SEMA5A: variants seen among roughly 807,000 people sequenced by gnomAD.
SEMA5A encodes the protein semaphorin 5A.
A neutral mutation model predicts 135.5 loss-of-function variants in SEMA5A; 55 were observed. That is an observed-to-expected ratio of 0.41 (90% CI 0.33 to 0.51). The LOEUF is 0.51. Ranked by LOEUF, SEMA5A falls within the 20% of genes least tolerant of loss-of-function variation. SEMA5A has a pLI of 0.37. For synonymous variants in SEMA5A, 580 were observed against 546.5 expected (o/e 1.06, Z -0.85); for missense variants, 1,290 against 1,419.9 (o/e 0.91, Z 1.47).
chr5:9,267,314 G>A (rs1318285449), intron 5 of SEMA5A, among the ~76,000 whole-genome samples: 7 of 152,154 alleles, frequency 4.6e-5, no homozygotes, highest in African/African-American at 1.4e-4. Context: ...TCTATATCGC[G>A]CTATCAAGCT....
intron 2 of SEMA5A, among the ~76,000 whole-genome samples, chr5:9,381,981 T>TGTGTGC (rs1411451751): frequency 1.2e-3 from 115 of 99,942 alleles, no homozygotes; most frequent in East Asian, 1.6e-3. Context: ...TGTGTGTGTG[T>TGTGTGC]GCGCGCGCGC....
rs34101225 is a variant in SEMA5A at position 9,469,881 on chromosome 5, G to T, written c.-174-32029C>A. ...ATCTTGAGGAACACATGTTTAAGAG[G>T]GCAAGCTCTGAGCCAGACAAATGTG... On this transcript the variant is annotated intron_variant, in intron 1 of 22. Transcript: ENST00000382496. 7.5e-3 allele frequency among the ~76,000 whole-genome samples: 1,143 copies of T among 152,140 alleles called. 12 individuals are homozygous for T. Among genetic ancestry groups the T allele is most frequent in the African/African-American group, 0.026 (1,094 of 41,504 alleles).
rs1432431873 is a variant in SEMA5A at position 9,066,551 on chromosome 5, G to A, written c.2169C>T (p.Gly723=). Residue 723 remains glycine, a synonymous_variant, in exon 17 of 23, where the codon GGC becomes GGT. Coordinates refer to ENST00000382496, the MANE Select transcript of SEMA5A (RefSeq NM_003966.3). ...TGTATCGGAATCGTTGCTCATAGTG[G>A]CCGCCGTTGTCAGAGATGTTGACAG... ...WTPVNISDNG[G]HYEQRFRYTC... is the part of the protein sequence containing the mutation. 1 of 1,614,184 alleles carries A rather than the reference G, an allele frequency of 6.2e-7. No individual in the cohort carries two copies. The highest frequency in any genetic ancestry group is 1.7e-5 in the Admixed American group (1 of 60,028).
rs774380556 is a variant in SEMA5A, at chr5:9,202,224, T to G, written c.663A>C (p.Ser221=). The G allele has an allele frequency of 6.2e-7, 1 of 1,613,030 alleles. No homozygotes were observed. Among genetic ancestry groups the G allele is most frequent in the African/African-American group, 1.3e-5 (1 of 74,892 alleles). Residue 221 remains serine, a synonymous_variant, in exon 9 of 23, where the codon TCA becomes TCC. Transcript: ENST00000382496. ...AGGTAAAATTTCCGATGTCATAAGATGACACAAAGTTTGGCTCTGGAAACA... is the reference window on the plus strand; with the variant it reads ...AGGTAAAATTTCCGATGTCATAAGAGGACACAAAGTTTGGCTCTGGAAACA... The part of the protein sequence containing the change: ...SKWLNEPNFV[S]SYDIGNFTYF...
rs1305402712 is a variant in SEMA5A at position 9,364,818 on chromosome 5, C to T, written c.124+15005G>A. Among the ~76,000 whole-genome samples the T allele has an allele frequency of 4.6e-5, 7 of 152,138 alleles. No individual in the cohort carries two copies. The East Asian group carries it at 7.7e-4, about 17-fold the overall frequency. The stretch of plus-strand genomic sequence containing the variant: ...TGTTGTGACTCATATTTTTGAATTT[C>T]GAGTCATTCAATGTCTTCTAAAATA... On this transcript the variant is annotated intron_variant, in intron 3 of 22. Transcript: ENST00000382496.
chr5:9,410,184 T>C (rs538711957), intron 2 of SEMA5A, among the ~76,000 whole-genome samples: 56 of 150,644 alleles, frequency 3.7e-4, no homozygotes, highest in African/African-American at 1.3e-3. Flanking sequence ...CCTATACCTA[T>C]AATAACTGGG....
At chr5:9,233,186 G>A (rs993937857) in intron 6 of SEMA5A, among the ~76,000 whole-genome samples, 5 of 152,188 alleles carry the variant, frequency 3.3e-5, no homozygotes, top group African/African-American at 1.2e-4. Flanking sequence ...GAAGCATACA[G>A]CAGCTCTTTC....
At chr5:9,251,895 G>A (rs986139223) in intron 5 of SEMA5A, among the ~76,000 whole-genome samples, 1 of 152,134 alleles carries the variant, frequency 6.6e-6, no homozygotes, top group Non-Finnish European at 1.5e-5. Context: ...ATAGGTACCA[G>A]TATTACATTC....
At chr5:9,253,481 G>C (rs1455709955) in intron 5 of SEMA5A, among the ~76,000 whole-genome samples, 1 of 151,966 alleles carries the variant, frequency 6.6e-6, no homozygotes, top group Non-Finnish European at 1.5e-5. Context: ...AATTATTTCT[G>C]GTTTTGGAAG....
intron 1 of SEMA5A, among the ~76,000 whole-genome samples, chr5:9,539,438 G>A (rs1737958255): frequency 6.6e-6 from 1 of 152,122 alleles, no homozygotes; most frequent in African/African-American, 2.4e-5. Context: ...GAAAAAGCCT[G>A]CCATATTTTT....
At chr5:9,066,711 C>T in intron 16 of SEMA5A, 65 bp from the exon 17 acceptor site, 1 of 1,425,514 alleles carries the variant, frequency 7.0e-7, no homozygotes, top group Non-Finnish European at 9.8e-7. Flanking sequence ...CGAAGGGCTC[C>T]TTTCCTTTAG....
intron 3 of SEMA5A, among the ~76,000 whole-genome samples, chr5:9,354,463 T>C (rs2097828): frequency 0.29 from 44,174 of 152,126 alleles, 6,552 homozygotes; most frequent in African/African-American, 0.34. Flanking sequence ...TGGGCCCAGT[T>C]TTCATGGTGT....
rs1258399204 is a variant in SEMA5A, at chr5:9,103,625, A to G, written c.2073+4515T>C. Among the ~76,000 whole-genome samples the G allele has an allele frequency of 2.6e-5, 4 of 152,312 alleles. No individual in the cohort carries two copies. The East Asian group carries it at 5.8e-4, about 22-fold the overall frequency. ...GCTTTACATGATATTTCAGTAAGAA[A>G]TATAGTGCTGCCAAATACTAAGTCT... On this transcript the variant is annotated intron_variant, in intron 16 of 22. Transcript: ENST00000382496.
At chr5:9,298,460 C>A (rs1197290356) in intron 5 of SEMA5A, among the ~76,000 whole-genome samples, 1 of 152,200 alleles carries the variant, frequency 6.6e-6, no homozygotes, top group Non-Finnish European at 1.5e-5. Context: ...GTTAAGCCAC[C>A]TAGCTTTTGT....
intron 10 of SEMA5A, among the ~76,000 whole-genome samples, chr5:9,191,901 G>A (rs1160545470): frequency 6.9e-6 from 1 of 144,680 alleles, no homozygotes; most frequent in Non-Finnish European, 1.5e-5. Context: ...TAGGTGAAGG[G>A]CTCAGCCCTG....
intron 12 of SEMA5A, among the ~76,000 whole-genome samples, chr5:9,148,989 C>T (rs954695881): frequency 2.6e-5 from 4 of 152,160 alleles, no homozygotes; most frequent in African/African-American, 9.7e-5. Context: ...CAAAGTGCTG[C>T]AATTACAAGT....
intron 1 of SEMA5A, among the ~76,000 whole-genome samples, chr5:9,470,620 A>C (rs538809169): frequency 6.6e-6 from 1 of 152,220 alleles, no homozygotes; most frequent in Non-Finnish European, 1.5e-5. Flanking sequence ...TCTCTGGCCA[A>C]TGAGATGTAA....
intron 1 of SEMA5A, among the ~76,000 whole-genome samples, chr5:9,444,599 AT>A (rs1181296332): frequency 2.0e-5 from 3 of 152,182 alleles, no homozygotes; most frequent in African/African-American, 4.8e-5. Context: ...ATTGGTGGGC[AT>A]TTTGGTTGGT....
chr5:9,311,506 C>T (rs892150490), intron 5 of SEMA5A, among the ~76,000 whole-genome samples: 2 of 149,838 alleles, frequency 1.3e-5, no homozygotes, highest in African/African-American at 4.9e-5. Context: ...AAAAAACAAA[C>T]ACCACATGTT....
Sources: gnomAD v4.1 joint callset for allele counts (sites outside exome capture counted in the v4.1 genomes callset) on GRCh38, gnomAD v4.1.1 for gene constraint, MANE v1.5 for transcripts, NCBI Gene and HGNC (gene_info 2026-07-23, HGNC 2026-07-21) for gene names.